Variants in NARS2 observed in about 807,000 individuals in gnomAD.
NARS2 encodes asparaginyl-tRNA synthetase 2, mitochondrial.
NARS2 carries 60 observed loss-of-function variants against 62.9 expected under a neutral mutation model. That is an observed-to-expected ratio of 0.95 (90% CI 0.77 to 1.18). The LOEUF (loss-of-function observed/expected upper bound fraction) is 1.18, where lower values mean the gene tolerates loss of function less well. Ranked by LOEUF, NARS2 falls within the 50% of genes most tolerant of loss-of-function variation. NARS2 has a pLI of 0.00. For missense variants in NARS2, 619 were observed against 576.4 expected (o/e 1.07, Z -0.76); for synonymous variants, 196 against 200.0 (o/e 0.98, Z 0.17).
intron 7 of NARS2, among the ~76,000 whole-genome samples, chr11:78,479,595 T>C (rs1268576988): frequency 2.0e-5 from 3 of 152,228 alleles, no homozygotes; most frequent in Non-Finnish European, 4.4e-5. Flanking sequence ...AAAAAGTGAC[T>C]GGAATGAAAA....
chr11:78,483,261 T>C (rs1160701030), intron 7 of NARS2, among the ~76,000 whole-genome samples: 1 of 152,164 alleles, frequency 6.6e-6, no homozygotes, highest in African/African-American at 2.4e-5. Context: ...GAGCTATTTA[T>C]GACAAACCCA....
Position 78,477,178 on chromosome 11 carries a change from A to C in NARS2, c.959+1260T>G, listed in dbSNP as rs1859136029. 4.6e-5 allele frequency among the ~76,000 whole-genome samples: 7 copies of C among 152,104 alleles called. No individual in the cohort carries two copies. The South Asian group carries it at 1.5e-3, about 32-fold the overall frequency. ...TGTCACCAGCAGAGATTCCTTGAGA[A>C]GGCCAAATTACTTCTTTCTTCATCT... On this transcript the variant is annotated intron_variant, in intron 9 of 13. Coordinates refer to ENST00000281038, the MANE Select transcript of NARS2 (RefSeq NM_024678.6).
intron 6 of NARS2, among the ~76,000 whole-genome samples, chr11:78,495,958 G>T (rs1237129581): frequency 6.6e-6 from 1 of 152,184 alleles, no homozygotes; most frequent in Non-Finnish European, 1.5e-5. Flanking sequence ...TTTTGCAGTG[G>T]TTAATGATTT....
At chr11:78,473,837 G>C (rs1458387910) in intron 9 of NARS2, among the ~76,000 whole-genome samples, 1 of 152,148 alleles carries the variant, frequency 6.6e-6, no homozygotes, top group African/African-American at 2.4e-5. Flanking sequence ...ACCAGTTCTA[G>C]CTTTGTGTGT....
Position 78,441,093 on chromosome 11 carries a change from T to C in NARS2, c.1287A>G (p.Gln429=), listed in dbSNP as rs2135134581. The C allele has an allele frequency of 1.9e-6, 3 of 1,612,410 alleles. No homozygotes were observed. Among genetic ancestry groups the C allele is most frequent in the Non-Finnish European group, 2.5e-6 (3 of 1,179,332 alleles). The change falls in exon 13 of 14, where the codon CAA becomes CAG. Residue 429 remains glutamine (Q), a splice_region_variant and synonymous_variant. Transcript: ENST00000281038. ...LARSGLTEVY[Q]WYLDLRRFGS... Reference sequence around the variant, plus strand: ...ATTATTAGGGGCCACATTCTTACCATTGGTAGACTTCTGTAAGTCCCGATC... The same window carrying C: ...ATTATTAGGGGCCACATTCTTACCACTGGTAGACTTCTGTAAGTCCCGATC...
At chr11:78,468,310 G>GAAAAAAAAAAAAAAAAAA (rs764254167) in intron 10 of NARS2, among the ~76,000 whole-genome samples, 15 of 67,426 alleles carry the variant, frequency 2.2e-4, no homozygotes, top group African/African-American at 8.2e-4. Flanking sequence ...CACTAAATCT[G>GAAAAAAAAAAAAAAAAAA]AAAAAAAAAA....
intron 7 of NARS2, among the ~76,000 whole-genome samples, chr11:78,492,374 C>G (rs1333500433): frequency 6.6e-6 from 1 of 152,118 alleles, no homozygotes; most frequent in African/African-American, 2.4e-5. Flanking sequence ...TTTTATCTAC[C>G]TCTAAATCAT....
At chr11:78,461,194 T>C (rs900066493) in intron 11 of NARS2, among the ~76,000 whole-genome samples, 2 of 152,148 alleles carry the variant, frequency 1.3e-5, no homozygotes, top group Admixed American at 6.5e-5. Flanking sequence ...GGATTAGAGA[T>C]AAAAACTTCT....
chr11:78,447,288 G>C (rs1006324884), intron 11 of NARS2, among the ~76,000 whole-genome samples: 1 of 151,568 alleles, frequency 6.6e-6, no homozygotes, highest in African/African-American at 2.4e-5. Flanking sequence ...TAAGTAGCTG[G>C]GATTATAGGT....
intron 4 of NARS2, among the ~76,000 whole-genome samples, chr11:78,562,634 A>C (rs1856595208): frequency 6.6e-6 from 1 of 152,140 alleles, no homozygotes; most frequent in Non-Finnish European, 1.5e-5. Flanking sequence ...ATTTAGAAAA[A>C]ATTGGTGCCT....
chr11:78,548,688 A>C (rs1163856499), intron 5 of NARS2, among the ~76,000 whole-genome samples: 1 of 152,198 alleles, frequency 6.6e-6, no homozygotes, highest in Non-Finnish European at 1.5e-5. Flanking sequence ...TGGTGGTAAA[A>C]AGTAGCCAAG....
chr11:78,474,443 T>A (rs942299275), intron 9 of NARS2, among the ~76,000 whole-genome samples: 1 of 152,226 alleles, frequency 6.6e-6, no homozygotes, highest in Non-Finnish European at 1.5e-5. Flanking sequence ...AATAAATATT[T>A]GTTAAAAAAT....
intron 11 of NARS2, 26 bp downstream of exon 11, chr11:78,465,850 C>G (rs1858596651): frequency 1.9e-6 from 3 of 1,613,172 alleles, no homozygotes; most frequent in Non-Finnish European, 2.5e-6. Context: ...AGGACTAACC[C>G]CAATTTATTT....
At chr11:78,469,642 A>G (rs1858780985) in intron 9 of NARS2, among the ~76,000 whole-genome samples, 1 of 152,232 alleles carries the variant, frequency 6.6e-6, no homozygotes, top group African/African-American at 2.4e-5. Flanking sequence ...CCATTAATTC[A>G]TTTATTTATC....
At chr11:78,445,147 C>T (rs890301232) in intron 11 of NARS2, among the ~76,000 whole-genome samples, 2 of 151,956 alleles carry the variant, frequency 1.3e-5, no homozygotes, top group African/African-American at 4.8e-5. Context: ...AATTGTTTTC[C>T]TCTTTTATTT....
At chr11:78,455,986 T>C (rs1281951759) in intron 11 of NARS2, among the ~76,000 whole-genome samples, 5 of 152,144 alleles carry the variant, frequency 3.3e-5, no homozygotes, top group Admixed American at 1.3e-4. Context: ...ATTTAATCTT[T>C]GTTAATCTTT....
intron 9 of NARS2, among the ~76,000 whole-genome samples, chr11:78,470,674 A>G (rs1297563943): frequency 2.6e-5 from 4 of 152,196 alleles, no homozygotes; most frequent in African/African-American, 9.6e-5. Context: ...ACATGCCTAT[A>G]TATACCTATT....
intron 5 of NARS2, among the ~76,000 whole-genome samples, chr11:78,532,239 C>A (rs1441072208): frequency 6.6e-6 from 1 of 152,036 alleles, no homozygotes; most frequent in Non-Finnish European, 1.5e-5. Context: ...ACAAAAGCTC[C>A]AAATTGCCAA....
chr11:78,534,724 A>G (rs1288056120), intron 5 of NARS2, among the ~76,000 whole-genome samples: 1 of 152,212 alleles, frequency 6.6e-6, no homozygotes, highest in Non-Finnish European at 1.5e-5. Flanking sequence ...TCCTGCATCT[A>G]GCCTATTACC....
Sources: gnomAD v4.1 joint callset for allele counts (sites outside exome capture counted in the v4.1 genomes callset) on GRCh38, gnomAD v4.1.1 for gene constraint, MANE v1.5 for transcripts, NCBI Gene and HGNC (gene_info 2026-07-23, HGNC 2026-07-21) for gene names.